CRPPA: variants seen among roughly 807,000 people sequenced by gnomAD.
The protein encoded by CRPPA is D-ribitol-5-phosphate cytidylyltransferase.
Under a neutral mutation model 52.0 loss-of-function variants are expected in CRPPA, and 43 were observed. The observed-to-expected ratio is 0.83, with a 90% confidence interval of 0.65 to 1.07. CRPPA has a LOEUF of 1.07. Ranked by LOEUF, CRPPA falls within the 50% of genes least tolerant of loss-of-function variation. The pLI, the probability that CRPPA is intolerant of heterozygous loss-of-function variation, is 0.00. For synonymous variants in CRPPA, 250 were observed against 203.5 expected (o/e 1.23, Z -1.94); for missense variants, 629 against 551.7 (o/e 1.14, Z -1.40).
In CRPPA at chr7:16,301,136, T is replaced by A. The variant is rs939656518; in HGVS notation, c.835+285A>T. On this transcript the variant is annotated intron_variant, in intron 5 of 9. Transcript: ENST00000407010. ...TGAGACCTTTACAAAATTATTAAAATCAGGTTTTGCTATTTTCCTTCTAAT... is the reference window on the plus strand; with the variant it reads ...TGAGACCTTTACAAAATTATTAAAAACAGGTTTTGCTATTTTCCTTCTAAT... Among the ~76,000 whole-genome samples, 4 of 152,320 alleles carry A rather than the reference T, an allele frequency of 2.6e-5. No individual in the cohort carries two copies. In the East Asian group the frequency reaches 7.7e-4, roughly 29 times the overall value.
intron 9 of CRPPA, among the ~76,000 whole-genome samples, chr7:16,111,995 A>G (rs546110031): frequency 1.3e-5 from 2 of 152,284 alleles, no homozygotes; most frequent in Middle Eastern, 3.4e-3. Flanking sequence ...GTATTCATAA[A>G]TTATAATATC....
At chr7:16,213,268 A>G (rs1782200161) in intron 9 of CRPPA, among the ~76,000 whole-genome samples, 1 of 152,196 alleles carries the variant, frequency 6.6e-6, no homozygotes, top group Non-Finnish European at 1.5e-5. Context: ...TGACTTGCAC[A>G]GCAAAGTTTG....
At chr7:16,161,654 G>C (rs762408136) in intron 9 of CRPPA, among the ~76,000 whole-genome samples, 4 of 151,772 alleles carry the variant, frequency 2.6e-5, no homozygotes, top group Non-Finnish European at 4.4e-5. Context: ...TGTTTTTTTT[G>C]TGTGTGTCTC....
intron 2 of CRPPA, among the ~76,000 whole-genome samples, chr7:16,384,101 A>C (rs979904644): frequency 2.3e-4 from 35 of 152,220 alleles, no homozygotes; most frequent in African/African-American, 7.9e-4. Context: ...TCAGGCTGGG[A>C]GCTGTAGACC....
intron 3 of CRPPA, among the ~76,000 whole-genome samples, chr7:16,315,699 C>T (rs1301326278): frequency 6.6e-6 from 1 of 151,842 alleles, no homozygotes; most frequent in East Asian, 1.9e-4. Context: ...CCTGGTCAAG[C>T]TCCTGGAAGT....
intron 3 of CRPPA, among the ~76,000 whole-genome samples, chr7:16,359,701 A>C (rs1396685796): frequency 6.6e-6 from 1 of 152,214 alleles, no homozygotes; most frequent in Non-Finnish European, 1.5e-5. Context: ...GGATTTTAGA[A>C]GATAAAACAA....
chr7:16,141,416 TA>T (rs1782867966), intron 9 of CRPPA, among the ~76,000 whole-genome samples: 1 of 152,144 alleles, frequency 6.6e-6, no homozygotes, highest in Non-Finnish European at 1.5e-5. Context: ...GCAAATAAAC[TA>T]AAAAATAGAT....
intron 6 of CRPPA, among the ~76,000 whole-genome samples, chr7:16,259,276 T>C (rs1783730472): frequency 1.3e-5 from 2 of 152,040 alleles, no homozygotes; most frequent in African/African-American, 4.8e-5. Flanking sequence ...GAATATATTC[T>C]GGAACAGGCT....
At chr7:16,273,270 T>C (rs1009207497) in intron 6 of CRPPA, among the ~76,000 whole-genome samples, 5 of 151,968 alleles carry the variant, frequency 3.3e-5, no homozygotes, top group Admixed American at 6.6e-5. Flanking sequence ...CATGCATTCC[T>C]GTTTTCCCAC....
At chr7:16,115,240 C>T (rs1782346922) in intron 9 of CRPPA, among the ~76,000 whole-genome samples, 1 of 152,046 alleles carries the variant, frequency 6.6e-6, no homozygotes, top group Admixed American at 6.5e-5. Flanking sequence ...CTATCATACT[C>T]ATTAGTACTA....
At chr7:16,099,199 G>A (rs1020727801) in intron 9 of CRPPA, among the ~76,000 whole-genome samples, 1 of 151,066 alleles carries the variant, frequency 6.6e-6, no homozygotes. Flanking sequence ...GCCGCAGTGA[G>A]CAATGATTGT....
At chr7:16,232,481 T>C (rs1782827499) in intron 8 of CRPPA, among the ~76,000 whole-genome samples, 1 of 152,174 alleles carries the variant, frequency 6.6e-6, no homozygotes, top group African/African-American at 2.4e-5. Flanking sequence ...TCACCAATTG[T>C]CAGTAGCATG....
chr7:16,218,926 T>C (rs1341390547), intron 8 of CRPPA, among the ~76,000 whole-genome samples: 1 of 151,990 alleles, frequency 6.6e-6, no homozygotes, highest in African/African-American at 2.4e-5. Flanking sequence ...TGAACTCAGC[T>C]CTGCACCAAG....
chr7:16,290,239 A>G (rs78664846), intron 5 of CRPPA, among the ~76,000 whole-genome samples: 17,046 of 152,066 alleles, frequency 0.11, 1,926 homozygotes, highest in African/African-American at 0.29. Flanking sequence ...CAATCTACAG[A>G]TTCAATACAA....
intron 6 of CRPPA, among the ~76,000 whole-genome samples, chr7:16,260,406 G>T (rs970240897): frequency 6.6e-6 from 1 of 151,882 alleles, no homozygotes; most frequent in East Asian, 1.9e-4. Flanking sequence ...TACTATCAAG[G>T]TTCTTTTTAA....
Position 16,138,803 on chromosome 7 carries a change from T to G in CRPPA, c.1252-47004A>C, listed in dbSNP as rs186283190. ...CCCCCACACATTATTTTTTTGTCTG[T>G]TTGTTTGTTTGTTTTGAGATGGAGT... On this transcript the variant is annotated intron_variant, in intron 9 of 9. Transcript: ENST00000407010. Among the ~76,000 whole-genome samples the G allele has an allele frequency of 5.9e-5, 9 of 151,800 alleles. No homozygotes were observed. The East Asian group carries it at 1.8e-3, about 30-fold the overall frequency.
intron 1 of CRPPA, among the ~76,000 whole-genome samples, chr7:16,408,189 CA>C (rs370512749): frequency 2.5e-4 from 38 of 151,078 alleles, no homozygotes; most frequent in Middle Eastern, 3.4e-3. Context: ...AGACATGAAA[CA>C]AAAACACCGA....
Position 16,091,644 on chromosome 7 carries a change from A to G in CRPPA, c.*51T>C. 1.9e-6 allele frequency: 2 copies of G among 1,035,586 alleles called. No homozygotes were observed. Among genetic ancestry groups the G allele is most frequent in the South Asian group, 2.9e-5 (2 of 70,136 alleles). 64.1% of individuals were successfully genotyped at this position (1,035,586 alleles called of 1,614,324 possible). On this transcript the variant is annotated 3_prime_UTR_variant, in exon 10 of 10. Coordinates refer to ENST00000407010, the MANE Select transcript of CRPPA (RefSeq NM_001101426.4). Reference sequence around the variant, plus strand: ...CACAGCAGCGGGGGCACAAAGCACAATTAAGATACGCAAATAGATGTTTTA... The same window carrying G: ...CACAGCAGCGGGGGCACAAAGCACAGTTAAGATACGCAAATAGATGTTTTA...
chr7:16,413,358 CTAA>C (rs1034133283), intron 1 of CRPPA, among the ~76,000 whole-genome samples: 1 of 152,190 alleles, frequency 6.6e-6, no homozygotes, highest in Non-Finnish European at 1.5e-5. Flanking sequence ...ACACTGACCT[CTAA>C]TCATCTGACC....
Sources: allele counts gnomAD v4.1 joint callset (sites outside exome capture counted in the v4.1 genomes callset), GRCh38; gene constraint gnomAD v4.1.1; transcripts MANE v1.5; gene names NCBI Gene and HGNC (gene_info 2026-07-23, HGNC 2026-07-21).